XKR9: variants seen among roughly 807,000 people sequenced by gnomAD.
The protein encoded by XKR9 is XK related 9, also known as XK-related protein 9.
XKR9 carries 32 observed loss-of-function variants against 32.0 expected under a neutral mutation model. The observed-to-expected ratio is 1.00, with a 90% CI of 0.76 to 1.34. The LOEUF is 1.34. Among genes scored for constraint, XKR9 ranks in the 40% most tolerant of loss-of-function variants. The pLI, the probability that XKR9 is intolerant of heterozygous loss-of-function variation, is 0.00. For synonymous variants in XKR9, 168 were observed against 143.4 expected (o/e 1.17, Z -1.22); for missense variants, 546 against 429.7 (o/e 1.27, Z -2.39).
chr8:70,739,812 T>A (rs1380747218), downstream of XKR9, among the ~76,000 whole-genome samples: 1 of 152,254 alleles, frequency 6.6e-6, no homozygotes, highest in East Asian at 1.9e-4. Flanking sequence ...CTCTTCTGGC[T>A]TGTAGAGTTT....
chr8:71,040,574 T>C, the XKR9 span, among the ~76,000 whole-genome samples: 1 of 152,174 alleles, frequency 6.6e-6, no homozygotes, highest in Non-Finnish European at 1.5e-5. Flanking sequence ...CTTTCCTTTT[T>C]GGTTGAATCC....
the XKR9 span, among the ~76,000 whole-genome samples, chr8:70,798,952 C>G: frequency 6.6e-6 from 1 of 152,160 alleles, no homozygotes; most frequent in Non-Finnish European, 1.5e-5. Flanking sequence ...GTTACTGAAG[C>G]CTTGTAGTAT....
chr8:70,779,354 A>G (rs1343082186), intron 2 of XKR9, among the ~76,000 whole-genome samples: 6 of 152,136 alleles, frequency 3.9e-5, no homozygotes, highest in Non-Finnish European at 8.8e-5. Context: ...TCAGTTTGCC[A>G]CTATTTTATT....
the XKR9 span, among the ~76,000 whole-genome samples, chr8:70,827,810 TAAGA>T: frequency 1.3e-5 from 2 of 152,214 alleles, no homozygotes; most frequent in Non-Finnish European, 2.9e-5. Flanking sequence ...GAAAATATAC[TAAGA>T]AAGAAAAAGT....
At chr8:70,758,183 C>A (rs928962004) in intron 2 of XKR9, among the ~76,000 whole-genome samples, 2 of 131,098 alleles carry the variant, frequency 1.5e-5, no homozygotes, top group Non-Finnish European at 3.6e-5. Context: ...ATGACCCCTG[C>A]CCCTACGTTG....
At chr8:70,770,338 C>A (rs1056931392) in intron 2 of XKR9, among the ~76,000 whole-genome samples, 1 of 152,184 alleles carries the variant, frequency 6.6e-6, no homozygotes, top group Admixed American at 6.5e-5. Flanking sequence ...GGAGCACCCG[C>A]CAGATGCCAT....
At position 70,681,160 on chromosome 8, in the gene XKR9, T is replaced by C; in HGVS notation, c.102T>C (p.His34=). 6.2e-7 allele frequency: 1 copy of C among 1,613,624 alleles called. No homozygotes were observed. The highest frequency in any genetic ancestry group is 8.5e-7 in the Non-Finnish European group (1 of 1,179,630). The change falls in exon 3 of 5, where the codon CAT becomes CAC. Residue 34 remains histidine, a synonymous_variant. Coordinates refer to ENST00000408926, the MANE Select transcript of XKR9 (RefSeq NM_001011720.2). ...VDIWVSVRFF[H]EGQYVFSALA... ...TATGGGTATCTGTCAGATTTTTCCA[T>C]GAAGGACAGTATGTTTTTAGTGCTT...
At chr8:70,952,044 A>G in the XKR9 span, among the ~76,000 whole-genome samples, 3 of 152,156 alleles carry the variant, frequency 2.0e-5, no homozygotes, top group African/African-American at 7.2e-5. Flanking sequence ...TGGATAGATT[A>G]AGGTCAGGTG....
chr8:70,767,295 C>T (rs977402953), intron 2 of XKR9, among the ~76,000 whole-genome samples: 1 of 152,014 alleles, frequency 6.6e-6, no homozygotes, highest in African/African-American at 2.4e-5. Context: ...TTGGTTTATT[C>T]AGGGATTTGA....
At chr8:70,962,130 T>C in the XKR9 span, among the ~76,000 whole-genome samples, 1 of 152,194 alleles carries the variant, frequency 6.6e-6, no homozygotes. Flanking sequence ...GAGATATTCG[T>C]TTACTTAAGC....
At chr8:70,980,570 C>T in the XKR9 span, among the ~76,000 whole-genome samples, 1 of 152,200 alleles carries the variant, frequency 6.6e-6, no homozygotes, top group African/African-American at 2.4e-5. Flanking sequence ...TTGGTGAATT[C>T]TTATCCATTC....
At chr8:70,956,293 G>A in the XKR9 span, among the ~76,000 whole-genome samples, 1 of 152,176 alleles carries the variant, frequency 6.6e-6, no homozygotes, top group East Asian at 1.9e-4. Flanking sequence ...GCTCCTATCT[G>A]CAGGAAGCTC....
At chr8:70,862,934 C>T in the XKR9 span, among the ~76,000 whole-genome samples, 1 of 152,094 alleles carries the variant, frequency 6.6e-6, no homozygotes, top group Non-Finnish European at 1.5e-5. Context: ...GGAGGACACG[C>T]AGGAGATAAG....
chr8:71,029,396 T>C, the XKR9 span, among the ~76,000 whole-genome samples: 1 of 152,160 alleles, frequency 6.6e-6, no homozygotes, highest in South Asian at 2.1e-4. Context: ...AGTTTTTTGA[T>C]TTGCCCAAAA....
intron 2 of XKR9, among the ~76,000 whole-genome samples, chr8:70,742,306 C>G (rs1328517727): frequency 1.3e-5 from 2 of 152,136 alleles, no homozygotes; most frequent in African/African-American, 4.8e-5. Context: ...TTCGGTTTAC[C>G]TTGGGCACAT....
chr8:70,852,238 A>G, the XKR9 span, among the ~76,000 whole-genome samples: 1 of 152,244 alleles, frequency 6.6e-6, no homozygotes, highest in Non-Finnish European at 1.5e-5. Context: ...ATGAGATACG[A>G]TCTCATGCCA....
At chr8:70,702,465 C>G (rs148774973) in intron 3 of XKR9, among the ~76,000 whole-genome samples, 1 of 152,220 alleles carries the variant, frequency 6.6e-6, no homozygotes, top group Middle Eastern at 3.4e-3. Flanking sequence ...GTTAAATTAT[C>G]AATGTCCTTA....
chr8:70,774,603 T>A (rs1408618240), intron 2 of XKR9, among the ~76,000 whole-genome samples: 3 of 152,150 alleles, frequency 2.0e-5, no homozygotes. Context: ...GATAAGTGTT[T>A]AGTTTCACTT....
chr8:70,906,258 G>C, the XKR9 span, among the ~76,000 whole-genome samples: 13 of 152,228 alleles, frequency 8.5e-5, no homozygotes, highest in Non-Finnish European at 1.6e-4. Context: ...AGGCCTCCTT[G>C]AGCTGCGGTG....
Sources: allele counts gnomAD v4.1 joint callset (sites outside exome capture counted in the v4.1 genomes callset), GRCh38; gene constraint gnomAD v4.1.1; transcripts MANE v1.5; gene names NCBI Gene and HGNC (gene_info 2026-07-23, HGNC 2026-07-21).